Variants in SNX25 observed in about 807,000 individuals in gnomAD.
SNX25 encodes the protein sorting nexin 25, also known as sorting nexin-25.
In SNX25, 62 loss-of-function variants were observed where a neutral mutation model predicts 113.7. The observed-to-expected ratio is 0.55, with a 90% CI of 0.44 to 0.67. SNX25 has a LOEUF of 0.67. SNX25 is among the 30% of genes least tolerant of loss of function. The probability of loss-of-function intolerance (pLI) is 0.00; values close to 1 mark genes in which losing one functional copy is unlikely to be tolerated. For missense variants in SNX25, 1,014 were observed against 1,161.0 expected, an observed-to-expected ratio of 0.87 and a Z score of 1.84; for synonymous variants, 421 against 436.2, an observed-to-expected ratio of 0.97 and a Z score of 0.43.
At chr4:185,321,924 A>G (rs1372498873) in intron 8 of SNX25, among the ~76,000 whole-genome samples, 1 of 152,220 alleles carries the variant, frequency 6.6e-6, no homozygotes, top group Non-Finnish European at 1.5e-5. Flanking sequence ...ATATGAGAGA[A>G]TGTACATAGT....
downstream of SNX25, chr4:185,370,512 T>C: frequency 1.1e-6 from 1 of 892,130 alleles, no homozygotes; most frequent in Non-Finnish European, 1.7e-6. Flanking sequence ...TGACAGCTTC[T>C]CTGTAGACAG....
At chr4:185,208,287 A>T (rs923398233), upstream of SNX25, among the ~76,000 whole-genome samples, 1 of 151,930 alleles carries the variant, frequency 6.6e-6, no homozygotes, top group African/African-American at 2.4e-5. Context: ...AAGTGTAGGG[A>T]TTACAGGCGT....
Position 185,351,594 on chromosome 4 carries a change from C to T in SNX25, c.2451C>T (p.Phe817=), listed in dbSNP as rs1240981799. Reference sequence around the variant, plus strand: ...TTTTGGAAAGACTTCCTCGCGACTTCTTCTCCCACCAGGAGGTGAGCCGTT... The same window carrying T: ...TTTTGGAAAGACTTCCTCGCGACTTTTTCTCCCACCAGGAGGTGAGCCGTT... ...SSFLERLPRD[F]FSHQEEETEE... The change falls in exon 14 of 19, where the codon TTC becomes TTT. Residue 817 remains phenylalanine (F), a synonymous_variant. Transcript: ENST00000652585. 1.4e-5 allele frequency: 23 copies of T among 1,613,880 alleles called. No individual in the cohort carries two copies. The highest frequency in any genetic ancestry group is 1.9e-5 in the Non-Finnish European group (22 of 1,179,970).
At chr4:185,239,966 C>T (rs1449828451) in intron 1 of SNX25, among the ~76,000 whole-genome samples, 2 of 150,396 alleles carry the variant, frequency 1.3e-5, no homozygotes, top group African/African-American at 2.4e-5. Flanking sequence ...GTGGTGATGA[C>T]TCTTAACGAG....
intron 7 of SNX25, among the ~76,000 whole-genome samples, chr4:185,311,558 C>A (rs1477482992): frequency 1.3e-5 from 2 of 152,174 alleles, no homozygotes; most frequent in African/African-American, 2.4e-5. Flanking sequence ...CTTAGCTGTG[C>A]CGTGGAAGGA....
At chr4:185,319,688 T>G (rs2095105167) in intron 7 of SNX25, among the ~76,000 whole-genome samples, 1 of 152,162 alleles carries the variant, frequency 6.6e-6, no homozygotes, top group Non-Finnish European at 1.5e-5. Flanking sequence ...TCAGATACTT[T>G]CTGGTTTACA....
At chr4:185,317,580 A>G (rs988339097) in intron 7 of SNX25, among the ~76,000 whole-genome samples, 2 of 152,232 alleles carry the variant, frequency 1.3e-5, no homozygotes, top group African/African-American at 4.8e-5. Context: ...CCAAATGCCC[A>G]TCAATGATAG....
At chr4:185,205,535 T>C (rs1337029523), upstream of SNX25, among the ~76,000 whole-genome samples, 1 of 151,980 alleles carries the variant, frequency 6.6e-6, no homozygotes, top group Non-Finnish European at 1.5e-5. Flanking sequence ...GGGATAGTTG[T>C]TAAACTGTGG....
intron 3 of SNX25, among the ~76,000 whole-genome samples, chr4:185,261,126 G>GTGTC (rs1307541038): frequency 1.0e-4 from 15 of 146,628 alleles, no homozygotes; most frequent in African/African-American, 3.5e-4. Flanking sequence ...GTGTGTGTGT[G>GTGTC]TGTGTGTGTG....
upstream of SNX25, among the ~76,000 whole-genome samples, chr4:185,206,677 A>AAAAG: frequency 6.6e-6 from 1 of 151,374 alleles, no homozygotes; most frequent in Non-Finnish European, 1.5e-5. Context: ...AAAAAAAAAA[A>AAAAG]AAAAAGAATG....
chr4:185,351,915 G>T (rs1251932277), intron 14 of SNX25, among the ~76,000 whole-genome samples: 3 of 150,614 alleles, frequency 2.0e-5, no homozygotes, highest in Non-Finnish European at 3.0e-5. Context: ...GCGGGGTGGG[G>T]GGGTTCATGC....
At chr4:185,282,028 T>C (rs1010167659) in intron 5 of SNX25, among the ~76,000 whole-genome samples, 1 of 152,016 alleles carries the variant, frequency 6.6e-6, no homozygotes, top group African/African-American at 2.4e-5. Flanking sequence ...AATAAATAAA[T>C]AAAAATAAAA....
intron 14 of SNX25, among the ~76,000 whole-genome samples, chr4:185,352,861 G>A (rs1316058015): frequency 6.6e-6 from 1 of 152,118 alleles, no homozygotes; most frequent in Non-Finnish European, 1.5e-5. Context: ...TGCAGCTCTG[G>A]GACAGCACTG....
Position 185,241,511 on chromosome 4 carries a change from A to AGAGGGAGAGGAGGGAGAGGGAGAG in SNX25, c.430-5773_430-5772insAGGGAGAGGGAGAGGAGGGAGAGG, listed in dbSNP as rs1553989000. ...CTGTGGGGAGAGGGAGACCGTGGGG[A>AGAGGGAGAGGAGGGAGAGGGAGAG]GAGGGAGAGGGAGAGGAGGGAGAGG... On this transcript the variant is annotated intron_variant, in intron 1 of 18. Transcript: ENST00000652585. Among the ~76,000 whole-genome samples, 6 of 19,074 alleles carry AGAGGGAGAGGAGGGAGAGGGAGAG rather than the reference A, an allele frequency of 3.1e-4. 1 individual carries two copies. Among genetic ancestry groups the AGAGGGAGAGGAGGGAGAGGGAGAG allele is most frequent in the African/African-American group, 7.6e-4 (4 of 5,278 alleles). The allele number at this position is 19,074 out of a possible 152,430, so 12.5% of individuals were successfully genotyped here. A position where few individuals can be genotyped will look rare whatever the true frequency, so the allele number is the denominator to read the frequency against.
chr4:185,303,658 CAAAA>C (rs34378168), intron 6 of SNX25, among the ~76,000 whole-genome samples: 22 of 50,876 alleles, frequency 4.3e-4, no homozygotes, highest in South Asian at 7.4e-4. Flanking sequence ...GACTCTGTCT[CAAAA>C]AAAAAAAAAA....
At chr4:185,212,258 G>T (rs538075564) in intron 1 of SNX25, among the ~76,000 whole-genome samples, 1 of 150,502 alleles carries the variant, frequency 6.6e-6, no homozygotes, top group Admixed American at 6.7e-5. Context: ...GATTACAGGC[G>T]TGAGCCACTG....
intron 5 of SNX25, among the ~76,000 whole-genome samples, chr4:185,285,403 T>A (rs950536444): frequency 1.3e-5 from 2 of 152,258 alleles, no homozygotes; most frequent in Non-Finnish European, 2.9e-5. Context: ...ATACTCATTA[T>A]TGACCATGAG....
chr4:185,353,666 C>A, intron 15 of SNX25, 64 bp downstream of exon 15: 2 of 1,194,866 alleles, frequency 1.7e-6, no homozygotes, highest in Non-Finnish European at 2.5e-6. Flanking sequence ...ATCGTACATT[C>A]ACATGCATTT....
rs192877713 is a variant in SNX25, at chr4:185,223,226, G to T, written c.429+12971G>T. Among the ~76,000 whole-genome samples the T allele has an allele frequency of 1.8e-3, 278 of 151,966 alleles. 3 individuals are homozygous for T. Among genetic ancestry groups the T allele is most frequent in the African/African-American group, 6.3e-3 (262 of 41,432 alleles). On this transcript the variant is annotated intron_variant, in intron 1 of 18. Transcript: ENST00000652585. ...CCTTGCATGTCATTATAGTTTTATC[G>T]CTCAAATGTGCATTAGTGAACATAA...
Sources: allele counts gnomAD v4.1 joint callset (sites outside exome capture counted in the v4.1 genomes callset), GRCh38; gene constraint gnomAD v4.1.1; transcripts MANE v1.5; gene names NCBI Gene and HGNC (gene_info 2026-07-23, HGNC 2026-07-21).